The following CRIM1 variants were observed in gnomAD, a reference collection of about 807,000 sequenced individuals.
CRIM1 encodes cysteine-rich motor neuron 1 protein.
A neutral mutation model predicts 116.4 loss-of-function variants in CRIM1; 32 were observed. The observed-to-expected ratio is 0.27, with a 90% CI of 0.21 to 0.37. The LOEUF is 0.37. Ranked by LOEUF, CRIM1 falls within the 10% of genes least tolerant of loss-of-function variation. The probability of loss-of-function intolerance (pLI) is 1.00; values close to 1 mark genes in which losing one functional copy is unlikely to be tolerated. For synonymous variants in CRIM1, 590 were observed against 509.2 expected (o/e 1.16, Z -2.13); for missense variants, 1,331 against 1,354.8 (o/e 0.98, Z 0.28).
At chr2:36,379,742 CTTT>C (rs760969263) in intron 1 of CRIM1, among the ~76,000 whole-genome samples, 6 of 106,362 alleles carry the variant, frequency 5.6e-5, no homozygotes, top group Admixed American at 2.1e-4. Flanking sequence ...TTCTTTCTCT[CTTT>C]TTTTTTTTTT....
intron 12 of CRIM1, among the ~76,000 whole-genome samples, chr2:36,517,819 C>T (rs1159390733): frequency 6.6e-6 from 1 of 152,172 alleles, no homozygotes; most frequent in Non-Finnish European, 1.5e-5. Flanking sequence ...ATCTCAAACT[C>T]GAGGCGTATA....
intron 1 of CRIM1, among the ~76,000 whole-genome samples, chr2:36,392,006 C>G (rs1460702084): frequency 6.6e-6 from 1 of 152,064 alleles, no homozygotes; most frequent in East Asian, 1.9e-4. Context: ...ACATTTCAGC[C>G]CTCAATTATA....
chr2:36,442,672 C>T lies in CRIM1; in HGVS notation c.806C>T (p.Pro269Leu), dbSNP rs1472564154. 1.2e-6 allele frequency: 2 copies of T among 1,614,068 alleles called. No individual in the cohort carries two copies. The highest frequency in any genetic ancestry group is 1.7e-5 in the Admixed American group (1 of 60,016). Residue 269 changes from proline to leucine, a missense_variant, in exon 4 of 17, where the codon CCC becomes CTC. By Grantham distance (98) the Pro-to-Leu change is moderately conservative. This residue lies in a region of CRIM1 where 690 missense variants were observed against 676.0 expected (regional missense o/e 1.02). Coordinates refer to ENST00000280527, the MANE Select transcript of CRIM1 (RefSeq NM_016441.3). ...ECPPVQQTAC[P>L]PDSYETQVRL... ...CCTCCTGTTCAGCAGACCGCGTGTC[C>T]CCCGGACAGCTATGAAACTCAAGTC...
At chr2:36,501,505 C>CTGCA (rs1680990604) in intron 8 of CRIM1, among the ~76,000 whole-genome samples, 2 of 151,846 alleles carry the variant, frequency 1.3e-5, no homozygotes, top group Non-Finnish European at 2.9e-5. Flanking sequence ...GATTGCTTGA[C>CTGCA]CTCAGGAGTT....
intron 7 of CRIM1, among the ~76,000 whole-genome samples, chr2:36,484,508 T>G (rs1679672823): frequency 6.6e-6 from 1 of 152,112 alleles, no homozygotes; most frequent in Non-Finnish European, 1.5e-5. Flanking sequence ...TCCCCGTGAT[T>G]ACTCAATAAG....
intron 1 of CRIM1, among the ~76,000 whole-genome samples, chr2:36,388,311 C>T (rs1008564527): frequency 1.1e-4 from 16 of 152,138 alleles, no homozygotes; most frequent in South Asian, 4.1e-4. Context: ...AGACCTTTGG[C>T]TTGCCTTACT....
chr2:36,517,302 G>C (rs1665092580), intron 11 of CRIM1, 25 bp from the exon 12 acceptor site: 2 of 1,593,662 alleles, frequency 1.3e-6, no homozygotes, highest in Admixed American at 3.3e-5. Context: ...TGAATAATGT[G>C]TTCTGATTTT....
intron 7 of CRIM1, among the ~76,000 whole-genome samples, chr2:36,497,336 G>A (rs1465782196): frequency 6.6e-6 from 1 of 152,090 alleles, no homozygotes. Flanking sequence ...CCTGATACTT[G>A]CCTTCTACGC....
At position 36,544,432 on chromosome 2, in the gene CRIM1, G is replaced by A. The variant is rs773874517; in HGVS notation, c.2680G>A (p.Glu894Lys). 3 of 1,431,328 alleles carry A rather than the reference G, an allele frequency of 2.1e-6. No homozygotes were observed. The highest frequency in any genetic ancestry group is 2.5e-5 in the Admixed American group (1 of 40,404). The allele number at this position is 1,431,328 out of a possible 1,614,324, so 88.7% of individuals were successfully genotyped here. ...IPIEKTNHRG[E>K]VDLEVPLWPT... is the part of the protein sequence containing the mutation. Reference sequence around the variant, plus strand: ...CATTGAGAAGACAAACCATCGAGGAGAGGTTGACCTGGAGGTTCCCCTGTG... The same window carrying A: ...CATTGAGAAGACAAACCATCGAGGAAAGGTTGACCTGGAGGTTCCCCTGTG... Residue 894 changes from glutamate (E) to lysine (K), a missense_variant, in exon 15 of 17, where the codon GAG becomes AAG. Coordinates refer to ENST00000280527, the MANE Select transcript of CRIM1 (RefSeq NM_016441.3).
chr2:36,385,668 CCTT>C (rs1476903160), intron 1 of CRIM1, among the ~76,000 whole-genome samples: 13 of 152,136 alleles, frequency 8.5e-5, no homozygotes, highest in Admixed American at 8.5e-4. Context: ...GTGTTCCTGT[CCTT>C]CTTTTCCCTG....
Position 36,506,157 on chromosome 2 carries a change from A to T in CRIM1, c.1502-3826A>T, listed in dbSNP as rs560975778. 2.7e-3 allele frequency among the ~76,000 whole-genome samples: 342 copies of T among 125,270 alleles called. 1 individual carries two copies. Among genetic ancestry groups the T allele is most frequent in the Middle Eastern group, 7.6e-3 (2 of 262 alleles). The allele number at this position is 125,270 out of a possible 152,430, so 82.2% of individuals were successfully genotyped here. A position where few individuals can be genotyped will look rare whatever the true frequency, so the allele number is the denominator to read the frequency against. On this transcript the variant is annotated intron_variant, in intron 8 of 16. Coordinates refer to ENST00000280527, the MANE Select transcript of CRIM1 (RefSeq NM_016441.3). ...TGCACACACACACACACACACACAC[A>T]CTCTCTCTCTCTCTCTCTCTCTCTC...
chr2:36,438,405 G>A (rs7571902), intron 2 of CRIM1, among the ~76,000 whole-genome samples: 1 of 152,020 alleles, frequency 6.6e-6, no homozygotes, highest in Non-Finnish European at 1.5e-5. Context: ...ACCAAATGCA[G>A]TTTACAAACT....
chr2:36,377,481 C>T (rs1233739170), intron 1 of CRIM1, among the ~76,000 whole-genome samples: 5 of 152,172 alleles, frequency 3.3e-5, no homozygotes, highest in Admixed American at 1.3e-4. Flanking sequence ...TCCAGCCTGG[C>T]GACCTGGCAT....
chr2:36,402,705 G>C (rs1672508545), intron 2 of CRIM1, among the ~76,000 whole-genome samples: 1 of 149,676 alleles, frequency 6.7e-6, no homozygotes, highest in African/African-American at 2.5e-5. Context: ...CTGAGAGCTG[G>C]AGATGAAGAG....
chr2:36,479,379 T>C, intron 6 of CRIM1, 118 bp from the exon 7 acceptor site: 1 of 942,268 alleles, frequency 1.1e-6, no homozygotes, highest in African/African-American at 1.6e-5. Flanking sequence ...CTTCTGTTGA[T>C]CACAGTGGGA....
intron 13 of CRIM1, among the ~76,000 whole-genome samples, chr2:36,525,841 G>A (rs1357033752): frequency 6.6e-6 from 1 of 152,102 alleles, no homozygotes; most frequent in Non-Finnish European, 1.5e-5. Flanking sequence ...TGCATGTGAA[G>A]TATCCTTTTT....
intron 13 of CRIM1, among the ~76,000 whole-genome samples, chr2:36,535,649 T>C (rs951234050): frequency 2.0e-5 from 3 of 152,226 alleles, no homozygotes; most frequent in Admixed American, 2.0e-4. Flanking sequence ...AGTTTCTTCC[T>C]TGGACTTGTT....
At chr2:36,471,949 G>A (rs573319224) in intron 5 of CRIM1, among the ~76,000 whole-genome samples, 18 of 152,270 alleles carry the variant, frequency 1.2e-4, no homozygotes, top group African/African-American at 3.9e-4. Context: ...TATCTTTGAG[G>A]TGTATCTATC....
chr2:36,445,798 C>T (rs1213511903), intron 4 of CRIM1, among the ~76,000 whole-genome samples: 2 of 151,934 alleles, frequency 1.3e-5, no homozygotes, highest in Admixed American at 1.3e-4. Context: ...AAAAAAAAGC[C>T]TAACATGTAA....
Sources: allele counts gnomAD v4.1 joint callset (sites outside exome capture counted in the v4.1 genomes callset), GRCh38; gene constraint gnomAD v4.1.1; regional missense constraint gnomAD v4.1.1; transcripts MANE v1.5; gene names NCBI Gene and HGNC (gene_info 2026-07-23, HGNC 2026-07-21).